The following CASD1 variants were observed in gnomAD, a reference collection of about 807,000 sequenced individuals.
CASD1 encodes CAS1 domain sialic acid O acetyltransferase 1.
In CASD1, 41 loss-of-function variants were observed where a neutral mutation model predicts 100.0. The observed-to-expected ratio is 0.41, with a 90% CI of 0.32 to 0.53. CASD1 has a LOEUF of 0.53. Ranked by LOEUF, CASD1 falls within the 20% of genes least tolerant of loss-of-function variation. CASD1 has a pLI of 0.25. For missense variants in CASD1, 774 were observed against 948.7 expected (o/e 0.82, Z 2.42); for synonymous variants, 321 against 315.6 (o/e 1.02, Z -0.18).
chr7:94,554,463 C>CT lies in CASD1; in HGVS notation c.2035-16dup. The CT allele has an allele frequency of 1.3e-6, 2 of 1,487,120 alleles. No homozygotes were observed. The highest frequency in any genetic ancestry group is 2.3e-5 in the East Asian group (1 of 43,976). The allele number at this position is 1,487,120 out of a possible 1,614,324, so 92.1% of individuals were successfully genotyped here. ...TCAATAAAGAGATTATTAATATTTG[C>CT]TTTTGTGCTTTTTCTTTAGATTTTA... On this transcript the variant is annotated intron_variant, in intron 16 of 17. Transcript: ENST00000297273.
At chr7:94,528,274 T>A in intron 5 of CASD1, 24 bp downstream of exon 5, 1 of 63,726 alleles carries the variant, frequency 1.6e-5, no homozygotes, top group Non-Finnish European at 2.3e-5. Flanking sequence ...AAACATAGGC[T>A]TTTTTTTTTT....
chr7:94,605,087 C>G, the CASD1 span, among the ~76,000 whole-genome samples: 3 of 151,506 alleles, frequency 2.0e-5, no homozygotes, highest in African/African-American at 7.3e-5. Context: ...ATACATTAGT[C>G]CAGCTAGCAA....
chr7:94,620,328 T>G, the CASD1 span: 1 of 152,212 alleles, frequency 6.6e-6, no homozygotes, highest in Non-Finnish European at 1.5e-5. Context: ...GCCCTAATCA[T>G]AGAAAGTTCT....
At chr7:94,628,689 A>C in the CASD1 span, 1 of 271,080 alleles carries the variant, frequency 3.7e-6, no homozygotes, top group Non-Finnish European at 7.1e-6. Flanking sequence ...ATGCTAATGT[A>C]CTCATTCTTT....
At chr7:94,560,213 C>T (rs1039423890), downstream of CASD1, among the ~76,000 whole-genome samples, 4 of 152,158 alleles carry the variant, frequency 2.6e-5, no homozygotes, top group African/African-American at 9.7e-5. Flanking sequence ...TTGAAGATAA[C>T]TAATATTGGG....
At chr7:94,533,279 G>T in intron 6 of CASD1, 30 bp downstream of exon 6, 2 of 1,575,970 alleles carry the variant, frequency 1.3e-6, no homozygotes, top group South Asian at 1.1e-5. Flanking sequence ...CTTACTTAAT[G>T]ATTTTGTTTC....
chr7:94,568,097 G>A, the CASD1 span, among the ~76,000 whole-genome samples: 1 of 152,006 alleles, frequency 6.6e-6, no homozygotes, highest in African/African-American at 2.4e-5. Flanking sequence ...ACTTTCACCA[G>A]AAATAAAAAT....
chr7:94,564,723 A>G, the CASD1 span, among the ~76,000 whole-genome samples: 1 of 152,138 alleles, frequency 6.6e-6, no homozygotes, highest in African/African-American at 2.4e-5. Context: ...AAGGCCATGA[A>G]AATACTTTGG....
At chr7:94,564,198 G>C in the CASD1 span, among the ~76,000 whole-genome samples, 1 of 152,198 alleles carries the variant, frequency 6.6e-6, no homozygotes, top group Non-Finnish European at 1.5e-5. Flanking sequence ...ACATGTACCT[G>C]AGGCCTTACT....
At chr7:94,614,107 C>CAAAAAAAAAAAAAAAAA in the CASD1 span, among the ~76,000 whole-genome samples, 1 of 94,964 alleles carries the variant, frequency 1.1e-5, no homozygotes, top group African/African-American at 4.8e-5. Context: ...AAATTGAAAT[C>CAAAAAAAAAAAAAAAAA]AAAAAAAAAA....
At chr7:94,575,576 A>G in the CASD1 span, among the ~76,000 whole-genome samples, 4 of 152,122 alleles carry the variant, frequency 2.6e-5, no homozygotes, top group Non-Finnish European at 5.9e-5. Flanking sequence ...TCCAGTGTTG[A>G]GTTCATGTCC....
intron 1 of CASD1, among the ~76,000 whole-genome samples, chr7:94,516,761 C>T (rs1469375558): frequency 6.6e-6 from 1 of 151,956 alleles, no homozygotes; most frequent in African/African-American, 2.4e-5. Context: ...GACTCTTTGT[C>T]TCAGTTTACC....
chr7:94,599,687 A>C, the CASD1 span: 8 of 1,609,466 alleles, frequency 5.0e-6, no homozygotes, highest in African/African-American at 1.3e-5. Context: ...ACAGGAAAGA[A>C]GACACTTACT....
At chr7:94,513,194 C>T (rs958298842) in intron 1 of CASD1, among the ~76,000 whole-genome samples, 23 of 148,886 alleles carry the variant, frequency 1.5e-4, no homozygotes, top group Non-Finnish European at 8.9e-5. Flanking sequence ...GGCGTGGTGG[C>T]GGGCACCTGA....
the CASD1 span, among the ~76,000 whole-genome samples, chr7:94,607,063 A>C: frequency 6.6e-6 from 1 of 152,128 alleles, no homozygotes; most frequent in African/African-American, 2.4e-5. Flanking sequence ...AACTAGAAAA[A>C]GAAGAACAAA....
intron 4 of CASD1, among the ~76,000 whole-genome samples, chr7:94,527,648 A>T (rs1350543999): frequency 6.6e-6 from 1 of 152,194 alleles, no homozygotes; most frequent in East Asian, 1.9e-4. Flanking sequence ...TGCAGAAGTG[A>T]TATTTTAACT....
chr7:94,619,016 CAAAA>C, the CASD1 span: 33 of 1,221,072 alleles, frequency 2.7e-5, 1 homozygote, highest in South Asian at 6.1e-5. Context: ...AAAAAGGAAA[CAAAA>C]GAACAATTTG....
chr7:94,570,676 G>C, the CASD1 span, among the ~76,000 whole-genome samples: 1 of 152,008 alleles, frequency 6.6e-6, no homozygotes, highest in Non-Finnish European at 1.5e-5. Context: ...TCTATTTTTA[G>C]TGGAGACCGG....
the CASD1 span, among the ~76,000 whole-genome samples, chr7:94,572,423 G>T: frequency 6.6e-6 from 1 of 152,032 alleles, no homozygotes; most frequent in Non-Finnish European, 1.5e-5. Context: ...GGCTTGGTTG[G>T]TGGTGGTATA....
Sources: allele counts gnomAD v4.1 joint callset (sites outside exome capture counted in the v4.1 genomes callset), GRCh38; gene constraint gnomAD v4.1.1; transcripts MANE v1.5; gene names NCBI Gene and HGNC (gene_info 2026-07-23, HGNC 2026-07-21).